The following MARCHF1 variants were observed in gnomAD, a reference collection of about 807,000 sequenced individuals.
The protein encoded by MARCHF1 is E3 ubiquitin-protein ligase MARCHF1.
MARCHF1 carries 40 observed loss-of-function variants against 54.2 expected under a neutral mutation model. That is an observed-to-expected ratio of 0.74 (90% CI 0.57 to 0.96). MARCHF1 has a LOEUF of 0.96. Among genes scored for constraint, MARCHF1 ranks in the 40% least tolerant of loss-of-function variants. The probability of loss-of-function intolerance (pLI) is 0.00; values close to 1 mark genes in which losing one functional copy is unlikely to be tolerated. For missense variants in MARCHF1, 586 were observed against 656.5 expected, an observed-to-expected ratio of 0.89 and a Z score of 1.17; for synonymous variants, 236 against 236.3, an observed-to-expected ratio of 1.00 and a Z score of 0.01.
At chr4:164,003,363 G>A (rs1473760956) in intron 2 of MARCHF1, among the ~76,000 whole-genome samples, 1 of 151,930 alleles carries the variant, frequency 6.6e-6, no homozygotes, top group East Asian at 1.9e-4. Flanking sequence ...AATGTAAATG[G>A]TATAAACACA....
intron 3 of MARCHF1, among the ~76,000 whole-genome samples, chr4:163,884,094 T>C (rs892038492): frequency 6.6e-6 from 1 of 152,172 alleles, no homozygotes; most frequent in Non-Finnish European, 1.5e-5. Flanking sequence ...AACTGGTTTC[T>C]GAGCAAAGGA....
At chr4:163,692,860 G>A (rs181564956) in intron 5 of MARCHF1, among the ~76,000 whole-genome samples, 6 of 151,272 alleles carry the variant, frequency 4.0e-5, no homozygotes, top group Non-Finnish European at 8.8e-5. Context: ...AAGCTGTTGT[G>A]TGCGGTATGT....
chr4:163,928,458 C>G (rs1035332803), intron 3 of MARCHF1, among the ~76,000 whole-genome samples: 3 of 151,784 alleles, frequency 2.0e-5, no homozygotes, highest in Non-Finnish European at 2.9e-5. Flanking sequence ...GTGGACTTTA[C>G]AATTATTATA....
At chr4:163,800,132 C>G (rs1316769720) in intron 4 of MARCHF1, among the ~76,000 whole-genome samples, 1 of 151,976 alleles carries the variant, frequency 6.6e-6, no homozygotes, top group African/African-American at 2.4e-5. Context: ...CTGGGAACTA[C>G]TAGGGCTGGG....
chr4:164,109,926 A>AAAAAAAAAAAAAAC, intron 2 of MARCHF1, among the ~76,000 whole-genome samples: 1 of 149,540 alleles, frequency 6.7e-6, no homozygotes, highest in Non-Finnish European at 1.5e-5. Flanking sequence ...AAAAAAAAAA[A>AAAAAAAAAAAAAAC]AAAAAAAAAA....
chr4:164,163,190 G>A (rs1730286620), intron 1 of MARCHF1, among the ~76,000 whole-genome samples: 1 of 151,366 alleles, frequency 6.6e-6, no homozygotes, highest in African/African-American at 2.4e-5. Flanking sequence ...GAACTAAAAT[G>A]CAAGCAAAAT....
intron 3 of MARCHF1, among the ~76,000 whole-genome samples, chr4:163,880,194 A>G (rs1477269078): frequency 2.6e-5 from 4 of 151,688 alleles, no homozygotes; most frequent in Non-Finnish European, 5.9e-5. Flanking sequence ...TTGAGATATA[A>G]CATGCATGAA....
intron 3 of MARCHF1, among the ~76,000 whole-genome samples, chr4:163,939,282 G>C (rs1393809942): frequency 6.6e-6 from 1 of 152,130 alleles, no homozygotes; most frequent in Non-Finnish European, 1.5e-5. Context: ...ACCTCATGTA[G>C]AGACCTCATC....
At chr4:164,243,108 G>T (rs1207779341) in intron 1 of MARCHF1, among the ~76,000 whole-genome samples, 1 of 121,930 alleles carries the variant, frequency 8.2e-6, no homozygotes, top group Non-Finnish European at 1.7e-5. Context: ...CCAACGTTCA[G>T]ATTCAGGAAA....
chr4:164,260,057 C>T (rs574423533), intron 1 of MARCHF1, among the ~76,000 whole-genome samples: 1 of 152,032 alleles, frequency 6.6e-6, no homozygotes, highest in African/African-American at 2.4e-5. Flanking sequence ...AATCACTGAC[C>T]TAGTTGTAAG....
At chr4:164,211,321 A>G (rs952367682) in intron 1 of MARCHF1, among the ~76,000 whole-genome samples, 5 of 73,920 alleles carry the variant, frequency 6.8e-5, no homozygotes, top group East Asian at 3.9e-4. Flanking sequence ...GCATATGTGT[A>G]TGTATGTATG....
intron 1 of MARCHF1, among the ~76,000 whole-genome samples, chr4:164,248,151 A>T (rs1005207726): frequency 9.9e-5 from 15 of 152,054 alleles, no homozygotes; most frequent in Non-Finnish European, 4.4e-5. Context: ...CATGTATCAA[A>T]TTGCAACATA....
intron 2 of MARCHF1, among the ~76,000 whole-genome samples, chr4:164,104,439 T>A (rs1755644952): frequency 1.9e-5 from 1 of 53,654 alleles, no homozygotes; most frequent in Non-Finnish European, 5.7e-5. Context: ...GCTTCATCCC[T>A]GGGATGCAAG....
At position 164,145,507 on chromosome 4, in the gene MARCHF1, G is replaced by T. The variant is rs1013916858; in HGVS notation, c.-322-33845C>A. Among the ~76,000 whole-genome samples the T allele has an allele frequency of 2.0e-5, 3 of 151,814 alleles. No homozygotes were observed. In the South Asian group the frequency reaches 6.3e-4, roughly 32 times the overall value. On this transcript the variant is annotated intron_variant, in intron 1 of 9. Coordinates refer to ENST00000514618, the MANE Select transcript of MARCHF1 (RefSeq NM_001394959.1). ...GTGGGCTTCATCCCTGGGATGCAAG[G>T]CTGGTTCAATATACACAAATCAATA... is the stretch of plus-strand genomic sequence containing the variant.
rs146596764 is a variant in MARCHF1 at position 164,092,088 on chromosome 4, C to T, written c.-248+19500G>A. 1.4e-3 allele frequency among the ~76,000 whole-genome samples: 210 copies of T among 152,222 alleles called. 2 individuals are homozygous for T. The highest frequency in any genetic ancestry group is 4.5e-3 in the African/African-American group (185 of 41,556). On this transcript the variant is annotated intron_variant, in intron 2 of 9. Transcript: ENST00000514618. The stretch of plus-strand genomic sequence containing the variant: ...TCTCTTCTCACCGAGGCTTACTTGG[C>T]TACTGCTGTTGCTGGATCTCTAACC...
At chr4:164,226,663 G>C (rs1267864614) in intron 1 of MARCHF1, among the ~76,000 whole-genome samples, 1 of 151,694 alleles carries the variant, frequency 6.6e-6, no homozygotes, top group Non-Finnish European at 1.5e-5. Context: ...GTGTATGTGT[G>C]TGTGTATATA....
chr4:164,033,487 C>T (rs1233982412), intron 2 of MARCHF1, among the ~76,000 whole-genome samples: 1 of 152,116 alleles, frequency 6.6e-6, no homozygotes, highest in East Asian at 1.9e-4. Flanking sequence ...AGCTAACAGG[C>T]TACCTACAGA....
At chr4:163,584,216 G>A (rs937067525) in intron 8 of MARCHF1, 2 of 151,598 alleles carry the variant, frequency 1.3e-5, no homozygotes, top group African/African-American at 4.9e-5. Flanking sequence ...GATAGATATG[G>A]TAAAGAAGAG....
At chr4:163,895,862 T>A (rs530365980) in intron 3 of MARCHF1, among the ~76,000 whole-genome samples, 1 of 152,160 alleles carries the variant, frequency 6.6e-6, no homozygotes, top group Admixed American at 6.5e-5. Flanking sequence ...CACTTACTTA[T>A]GACTCTCTCA....
Sources: gnomAD v4.1 joint callset for allele counts (sites outside exome capture counted in the v4.1 genomes callset) on GRCh38, gnomAD v4.1.1 for gene constraint, MANE v1.5 for transcripts, NCBI Gene and HGNC (gene_info 2026-07-23, HGNC 2026-07-21) for gene names.